Variants in REEP2 observed in about 807,000 individuals in gnomAD.
The protein encoded by REEP2 is receptor accessory protein 2.
Under a neutral mutation model 32.1 loss-of-function variants are expected in REEP2, and 9 were observed. That is an observed-to-expected ratio of 0.28 (90% CI 0.17 to 0.49). The LOEUF is 0.49. Among genes scored for constraint, REEP2 ranks in the 20% least tolerant of loss-of-function variants. The pLI is 0.99. For missense variants in REEP2, 236 were observed against 338.0 expected, an observed-to-expected ratio of 0.70 and a Z score of 2.37; for synonymous variants, 128 against 139.1, an observed-to-expected ratio of 0.92 and a Z score of 0.56.
chr5:138,444,819 G>A lies in REEP2; in HGVS notation c.369G>A (p.Lys123=). 1 of 1,614,022 alleles carries A rather than the reference G, an allele frequency of 6.2e-7. No individual in the cohort carries two copies. Among genetic ancestry groups the A allele is most frequent in the South Asian group, 1.1e-5 (1 of 91,068 alleles). Residue 123 remains lysine, a synonymous_variant, in exon 5 of 8, where the codon AAG becomes AAA. Transcript: ENST00000378339. ...KSYETMMRVG[K]RGLNLAANAA... is the part of the protein sequence containing the mutation. ...ATGAGACCATGATGAGGGTGGGCAAGAGGGGCCTGAACCTTGCCGCCAATG... is the reference window on the plus strand; with the variant it reads ...ATGAGACCATGATGAGGGTGGGCAAAAGGGGCCTGAACCTTGCCGCCAATG...
rs759778392 is a variant in REEP2 at position 138,445,464 on chromosome 5, C to T, written c.566-4C>T. 3.1e-6 allele frequency: 5 copies of T among 1,614,130 alleles called. No homozygotes were observed. The East Asian group carries it at 8.9e-5, about 29-fold the overall frequency. ...CCCCCACCTCCTTTTCTCCCTGCAC[C>T]CAGGAGATGACCCTGCCCTGAGTCT... On this transcript the variant is annotated splice_region_variant and splice_polypyrimidine_tract_variant and intron_variant, in intron 6 of 7. Coordinates refer to ENST00000378339, the MANE Select transcript of REEP2 (RefSeq NM_001271803.2).
intron 1 of REEP2, among the ~76,000 whole-genome samples, chr5:138,440,764 C>A (rs1763809073): frequency 6.6e-6 from 1 of 152,184 alleles, no homozygotes; most frequent in African/African-American, 2.4e-5. Flanking sequence ...TACATTGGAC[C>A]CTCTGGCCTC....
chr5:138,441,115 C>T lies in REEP2; in HGVS notation c.105+27C>T, dbSNP rs1329475669. On this transcript the variant is annotated intron_variant, in intron 2 of 7. Coordinates refer to ENST00000378339, the MANE Select transcript of REEP2 (RefSeq NM_001271803.2). The surrounding 1 kb of genome is among the most constrained non-coding windows in gnomAD (Gnocchi z 4.4). ...TGAGTGGATGACCCTTCACCCCCTA[C>T]CCAACCCACATGGCACAGAGAGGGG... The T allele has an allele frequency of 1.2e-6, 2 of 1,613,236 alleles. No individual in the cohort carries two copies. The highest frequency in any genetic ancestry group is 1.7e-6 in the Non-Finnish European group (2 of 1,179,854).
At chr5:138,439,880 G>T in intron 1 of REEP2, 1 of 402,388 alleles carries the variant, frequency 2.5e-6, no homozygotes, top group South Asian at 1.8e-5. Flanking sequence ...ACCCCGCTGG[G>T]GGAGGACGCT....
Position 138,441,290 on chromosome 5 carries a change from C to T in REEP2, c.106-95C>T, listed in dbSNP as rs1763819209. ...AGAAGTGGGGTCCTTGGTGTTCTCC[C>T]CAGCCCAGGCATGTTCAACAGGCAG... On this transcript the variant is annotated intron_variant, in intron 2 of 7. Coordinates refer to ENST00000378339, the MANE Select transcript of REEP2 (RefSeq NM_001271803.2). The surrounding 1 kb of genome is among the most constrained non-coding windows in gnomAD (Gnocchi z 4.4). 7.5e-7 allele frequency: 1 copy of T among 1,340,542 alleles called. No homozygotes were observed. Among genetic ancestry groups the T allele is most frequent in the African/African-American group, 1.4e-5 (1 of 69,622 alleles). 83.0% of individuals were successfully genotyped at this position (1,340,542 alleles called of 1,614,324 possible). A position where few individuals can be genotyped will look rare whatever the true frequency, so the allele number is the denominator to read the frequency against.
chr5:138,446,098 G>T lies in REEP2; in HGVS notation c.*347G>T. 1 of 286,270 alleles carries T rather than the reference G, an allele frequency of 3.5e-6. No individual in the cohort carries two copies. The highest frequency in any genetic ancestry group is 6.6e-6 in the Non-Finnish European group (1 of 152,100). The allele number at this position is 286,270 out of a possible 1,614,324, so 17.7% of individuals were successfully genotyped here. A position where few individuals can be genotyped will look rare whatever the true frequency, so the allele number is the denominator to read the frequency against. Reference sequence around the variant, plus strand: ...GCCCATAGCAATCCGCTTCTCAGAGGTCCTGTCGTGTTTCCACTGCTCGCC... The same window carrying T: ...GCCCATAGCAATCCGCTTCTCAGAGTTCCTGTCGTGTTTCCACTGCTCGCC... On this transcript the variant is annotated 3_prime_UTR_variant, in exon 8 of 8. Transcript: ENST00000378339.
At chr5:138,440,605 G>A (rs1010318680) in intron 1 of REEP2, among the ~76,000 whole-genome samples, 8 of 152,140 alleles carry the variant, frequency 5.3e-5, no homozygotes, top group African/African-American at 1.9e-4. Context: ...AGGTTCCCTC[G>A]CAGAGCCTGG....
At chr5:138,442,494 C>T (rs527282889) in intron 3 of REEP2, among the ~76,000 whole-genome samples, 21 of 151,606 alleles carry the variant, frequency 1.4e-4, no homozygotes, top group East Asian at 1.4e-3. Flanking sequence ...AGGCAGATCA[C>T]GAGGTCAGGA....
rs1435308686 is a variant in REEP2 at position 138,441,475 on chromosome 5, TC to T, written c.182+18del. On this transcript the variant is annotated intron_variant, in intron 3 of 7. Transcript: ENST00000378339. This position sits in a 1 kb window ranked among gnomAD's most constrained non-coding sequence, Gnocchi z 4.4. Reference sequence around the variant, plus strand: ...AGTGCTCTCCTGGTGAGGTCCAGCGTCCCCTCCTGTATCTCAGGGCCCAGGG... The same window carrying T: ...AGTGCTCTCCTGGTGAGGTCCAGCGTCCCTCCTGTATCTCAGGGCCCAGGG... 4 of 1,611,926 alleles carry T rather than the reference TC, an allele frequency of 2.5e-6. No individual in the cohort carries two copies. Among genetic ancestry groups the T allele is most frequent in the Admixed American group, 3.3e-5 (2 of 59,980 alleles).
Position 138,439,121 on chromosome 5 carries a change from C to T in REEP2, c.-88C>T. On this transcript the variant is annotated 5_prime_UTR_variant, in exon 1 of 8. Transcript: ENST00000378339. ...GCGGCTGCTGCTGCTACTGCGGCTC[C>T]TGCTGCCGCCGCCGCCGCCGCTCGG... The T allele has an allele frequency of 1.2e-6, 1 of 819,350 alleles. No individual in the cohort carries two copies. The highest frequency in any genetic ancestry group is 1.6e-6 in the Non-Finnish European group (1 of 633,318). The allele number at this position is 819,350 out of a possible 1,614,324, so 50.8% of individuals were successfully genotyped here. A position where few individuals can be genotyped will look rare whatever the true frequency, so the allele number is the denominator to read the frequency against.
chr5:138,439,734 G>C (rs996579566), intron 1 of REEP2: 4 of 456,560 alleles, frequency 8.8e-6, no homozygotes, highest in Non-Finnish European at 1.8e-5. Flanking sequence ...TCACTGTCAG[G>C]AGACTGGGGA....
At position 138,441,312 on chromosome 5, in the gene REEP2, G is replaced by A. The variant is rs551040959; in HGVS notation, c.106-73G>A. 3 of 1,413,986 alleles carry A rather than the reference G, an allele frequency of 2.1e-6. No homozygotes were observed. In the African/African-American group the frequency reaches 4.2e-5, roughly 20 times the overall value. 87.6% of individuals were successfully genotyped at this position (1,413,986 alleles called of 1,614,324 possible). A position where few individuals can be genotyped will look rare whatever the true frequency, so the allele number is the denominator to read the frequency against. The stretch of plus-strand genomic sequence containing the variant: ...TCCCCAGCCCAGGCATGTTCAACAG[G>A]CAGAGCTGGGGTCCTGGGTGTCCCT... On this transcript the variant is annotated intron_variant, in intron 2 of 7. Coordinates refer to ENST00000378339, the MANE Select transcript of REEP2 (RefSeq NM_001271803.2). This position sits in a 1 kb window ranked among gnomAD's most constrained non-coding sequence, Gnocchi z 4.4.
rs775393104 is a variant in REEP2 at position 138,445,481 on chromosome 5, C to T, written c.579C>T (p.Ala193=). 5 of 1,614,050 alleles carry T rather than the reference C, an allele frequency of 3.1e-6. No homozygotes were observed. The highest frequency in any genetic ancestry group is 4.2e-6 in the Non-Finnish European group (5 of 1,180,036). ...DTIEDLGDDP[A]LSLRSSTNPA... ...CCCTGCACCCAGGAGATGACCCTGC[C>T]CTGAGTCTAAGGTCCAGCACAAACC... The change falls in exon 7 of 8, where the codon GCC becomes GCT. Residue 193 remains alanine (A), a synonymous_variant. Transcript: ENST00000378339.
intron 3 of REEP2, among the ~76,000 whole-genome samples, chr5:138,442,125 A>G (rs1763837718): frequency 6.6e-6 from 1 of 152,214 alleles, no homozygotes; most frequent in Non-Finnish European, 1.5e-5. Context: ...TAAATGCTGG[A>G]TACTTGCATT....
At chr5:138,444,261 A>T in intron 3 of REEP2, 154 bp from the exon 4 acceptor site, 1 of 793,416 alleles carries the variant, frequency 1.3e-6, no homozygotes, top group Non-Finnish European at 2.0e-6. Flanking sequence ...AGACCCTTTC[A>T]GATTAGAAAG....
intron 3 of REEP2, among the ~76,000 whole-genome samples, chr5:138,443,317 G>A (rs979857691): frequency 4.6e-5 from 7 of 151,428 alleles, no homozygotes; most frequent in African/African-American, 7.3e-5. Context: ...AAAATTAGCC[G>A]GGCGTGGTGG....
At chr5:138,444,588 C>T (rs1763888660) in intron 4 of REEP2, 53 bp downstream of exon 4, 3 of 1,605,502 alleles carry the variant, frequency 1.9e-6, no homozygotes, top group Non-Finnish European at 1.7e-6. Flanking sequence ...CAAGGCAGTC[C>T]AGAGCCTGCA....
chr5:138,441,332 G>A lies in REEP2; in HGVS notation c.106-53G>A, dbSNP rs1307313535. On this transcript the variant is annotated intron_variant, in intron 2 of 7. Coordinates refer to ENST00000378339, the MANE Select transcript of REEP2 (RefSeq NM_001271803.2). The surrounding 1 kb of genome is among the most constrained non-coding windows in gnomAD (Gnocchi z 4.4). The stretch of plus-strand genomic sequence containing the variant: ...AACAGGCAGAGCTGGGGTCCTGGGT[G>A]TCCCTGGCCCCTCAGCCCCGTGCCC... 1.3e-6 allele frequency: 2 copies of A among 1,511,790 alleles called. No homozygotes were observed. Among genetic ancestry groups the A allele is most frequent in the African/African-American group, 1.4e-5 (1 of 72,716 alleles). 93.6% of individuals were successfully genotyped at this position (1,511,790 alleles called of 1,614,324 possible).
chr5:138,442,042 C>T (rs372966501), intron 3 of REEP2, among the ~76,000 whole-genome samples: 19 of 152,216 alleles, frequency 1.2e-4, no homozygotes, highest in East Asian at 3.9e-4. Context: ...ATGCTGCCTG[C>T]GACCTTAGGC....
Sources: gnomAD v4.1 joint callset for allele counts (sites outside exome capture counted in the v4.1 genomes callset) on GRCh38, gnomAD v4.1.1 for gene constraint, Gnocchi (gnomAD v3.1) non-coding constraint, MANE v1.5 for transcripts, NCBI Gene and HGNC (gene_info 2026-07-23, HGNC 2026-07-21) for gene names.